MBD5: variants seen among roughly 807,000 people sequenced by gnomAD.
The protein encoded by MBD5 is methyl-CpG binding domain protein 5.
MBD5 carries 13 observed loss-of-function variants against 117.3 expected under a neutral mutation model. The observed-to-expected ratio is 0.11, with a 90% CI of 0.07 to 0.18. The LOEUF is 0.18. MBD5 is among the 10% of genes least tolerant of loss of function. MBD5 has a pLI of 1.00. For synonymous variants in MBD5, 727 were observed against 766.4 expected (o/e 0.95, Z 0.85); for missense variants, 1,879 against 2,093.8 (o/e 0.90, Z 2.00).
intron 3 of MBD5, among the ~76,000 whole-genome samples, chr2:148,322,994 A>T (rs2602356): frequency 7.7e-6 from 1 of 129,064 alleles, no homozygotes; most frequent in East Asian, 2.3e-4. Flanking sequence ...ATCCCTCCCC[A>T]CTCCCCCAAC....
At chr2:148,182,508 C>T (rs1318917052) in intron 2 of MBD5, among the ~76,000 whole-genome samples, 2 of 151,994 alleles carry the variant, frequency 1.3e-5, no homozygotes, top group African/African-American at 2.4e-5. Context: ...TTATTTTCCT[C>T]GTTTGGTTTT....
chr2:148,029,170 C>CT (rs1163102232), intron 1 of MBD5, among the ~76,000 whole-genome samples: 5 of 151,780 alleles, frequency 3.3e-5, no homozygotes, highest in Non-Finnish European at 7.4e-5. Flanking sequence ...ATTAAGAATA[C>CT]TTTTTTTAAA....
At chr2:148,102,496 A>G (rs189741719) in intron 1 of MBD5, among the ~76,000 whole-genome samples, 5 of 152,282 alleles carry the variant, frequency 3.3e-5, no homozygotes, top group African/African-American at 1.2e-4. Context: ...GTGAGGTTAC[A>G]CAGTGGTGAC....
At chr2:148,468,282 C>G in intron 7 of MBD5, 59 bp from the exon 8 acceptor site, 4 of 1,445,290 alleles carry the variant, frequency 2.8e-6, no homozygotes, top group Non-Finnish European at 2.9e-6. Context: ...CCTTCCCTCC[C>G]TCCCACCACA....
At chr2:148,106,358 C>T (rs1356838438) in intron 1 of MBD5, among the ~76,000 whole-genome samples, 1 of 151,472 alleles carries the variant, frequency 6.6e-6, no homozygotes, top group East Asian at 1.9e-4. Flanking sequence ...TCTAGGAATG[C>T]CTTTTTCCTT....
chr2:148,048,433 T>C (rs1319976934), intron 1 of MBD5, among the ~76,000 whole-genome samples: 2 of 152,186 alleles, frequency 1.3e-5, no homozygotes, highest in Admixed American at 1.3e-4. Context: ...GATATGCACA[T>C]ACCTATGTTG....
intron 3 of MBD5, among the ~76,000 whole-genome samples, chr2:148,258,375 G>A (rs1700642038): frequency 6.6e-6 from 1 of 152,106 alleles, no homozygotes; most frequent in East Asian, 1.9e-4. Flanking sequence ...AATGTAAGCA[G>A]GTTTGCCCAG....
intron 4 of MBD5, among the ~76,000 whole-genome samples, chr2:148,366,961 G>C (rs754905408): frequency 6.6e-6 from 1 of 152,092 alleles, no homozygotes; most frequent in South Asian, 2.1e-4. Flanking sequence ...TTTCCTCACA[G>C]AATTAGAAAA....
At chr2:148,319,087 C>T (rs1702224367) in intron 3 of MBD5, among the ~76,000 whole-genome samples, 1 of 152,080 alleles carries the variant, frequency 6.6e-6, no homozygotes, top group Non-Finnish European at 1.5e-5. Context: ...TTTCTGGGTT[C>T]TCTATTCTGA....
At chr2:148,052,013 T>C (rs1349030309) in intron 1 of MBD5, among the ~76,000 whole-genome samples, 2 of 152,050 alleles carry the variant, frequency 1.3e-5, no homozygotes, top group Non-Finnish European at 2.9e-5. Flanking sequence ...AGTGACATTC[T>C]TGTTATCATT....
chr2:148,275,146 T>A (rs539353530), intron 3 of MBD5, among the ~76,000 whole-genome samples: 5 of 152,338 alleles, frequency 3.3e-5, no homozygotes, highest in Non-Finnish European at 5.9e-5. Context: ...CTTTATTTTT[T>A]AAAATCGTTA....
At chr2:148,320,662 G>C (rs1289444994) in intron 3 of MBD5, among the ~76,000 whole-genome samples, 2 of 151,972 alleles carry the variant, frequency 1.3e-5, no homozygotes, top group Non-Finnish European at 2.9e-5. Flanking sequence ...AGCCCTGTTG[G>C]GACATTTTTT....
intron 3 of MBD5, among the ~76,000 whole-genome samples, chr2:148,339,803 G>T (rs558969249): frequency 6.6e-6 from 1 of 152,064 alleles, no homozygotes; most frequent in African/African-American, 2.4e-5. Flanking sequence ...ATATTTTAAA[G>T]GTACTAGTGT....
intron 4 of MBD5, among the ~76,000 whole-genome samples, chr2:148,390,702 A>G (rs767406953): frequency 8.6e-5 from 13 of 151,706 alleles, no homozygotes; most frequent in Non-Finnish European, 1.5e-4. Context: ...CATCCTCCCA[A>G]GTAGCTGGCA....
chr2:148,243,433 A>G (rs1700264719), intron 3 of MBD5, among the ~76,000 whole-genome samples: 1 of 152,092 alleles, frequency 6.6e-6, no homozygotes, highest in Non-Finnish European at 1.5e-5. Context: ...AAATTACCTA[A>G]GGTTATAATA....
At chr2:148,223,410 G>T (rs1050111187) in intron 2 of MBD5, among the ~76,000 whole-genome samples, 1 of 151,988 alleles carries the variant, frequency 6.6e-6, no homozygotes, top group Non-Finnish European at 1.5e-5. Flanking sequence ...TTTCCTGGGA[G>T]ACTTTATTAC....
Position 148,200,329 on chromosome 2 carries a change from A to G in MBD5, c.-831+21536A>G, listed in dbSNP as rs541924480. 2.6e-5 allele frequency among the ~76,000 whole-genome samples: 4 copies of G among 152,324 alleles called. No homozygotes were observed. In the South Asian group the frequency reaches 8.3e-4, roughly 32 times the overall value. Reference sequence around the variant, plus strand: ...TTCTCAAAGAGTTTGTAGATATACAATCCAGTTTTTATAAAAATGTAGCAC... The same window carrying G: ...TTCTCAAAGAGTTTGTAGATATACAGTCCAGTTTTTATAAAAATGTAGCAC... On this transcript the variant is annotated intron_variant, in intron 2 of 13. Transcript: ENST00000642680.
chr2:148,213,361 G>A (rs980906338), intron 2 of MBD5, among the ~76,000 whole-genome samples: 4 of 152,058 alleles, frequency 2.6e-5, no homozygotes, highest in Non-Finnish European at 5.9e-5. Context: ...AAGCTAATAT[G>A]CATAATAAAG....
chr2:148,168,555 T>C (rs1461482034), intron 1 of MBD5, among the ~76,000 whole-genome samples: 1 of 152,220 alleles, frequency 6.6e-6, no homozygotes, highest in African/African-American at 2.4e-5. Flanking sequence ...CTGCACTCCA[T>C]TGGAACCAGT....
Sources: allele counts gnomAD v4.1 joint callset (sites outside exome capture counted in the v4.1 genomes callset), GRCh38; gene constraint gnomAD v4.1.1; transcripts MANE v1.5; gene names NCBI Gene and HGNC (gene_info 2026-07-23, HGNC 2026-07-21).